Variants in SEPTIN11 observed in about 807,000 individuals in gnomAD.
SEPTIN11 encodes the protein septin 11, also known as septin-11.
In SEPTIN11, 25 loss-of-function variants were observed where a neutral mutation model predicts 51.4. The observed-to-expected ratio is 0.49, with a 90% CI of 0.35 to 0.68. The LOEUF is 0.68. Ranked by LOEUF, SEPTIN11 falls within the 30% of genes least tolerant of loss-of-function variation. The pLI is 0.00. For synonymous variants in SEPTIN11, 174 were observed against 184.1 expected, an observed-to-expected ratio of 0.95 and a Z score of 0.44; for missense variants, 381 against 520.8, an observed-to-expected ratio of 0.73 and a Z score of 2.61.
At chr4:77,038,891 G>T (rs964615147), downstream of SEPTIN11, among the ~76,000 whole-genome samples, 1 of 152,050 alleles carries the variant, frequency 6.6e-6, no homozygotes, top group Admixed American at 6.6e-5. Context: ...CTGAGGCATC[G>T]TCTTCTTCAC....
intron 1 of SEPTIN11, chr4:76,996,044 A>C: frequency 9.6e-7 from 1 of 1,041,354 alleles, no homozygotes; most frequent in East Asian, 2.6e-5. Context: ...TTTCACTATG[A>C]GTTGACAGTA....
At chr4:77,012,855 T>G (rs1054196186) in intron 4 of SEPTIN11, among the ~76,000 whole-genome samples, 2 of 152,174 alleles carry the variant, frequency 1.3e-5, no homozygotes, top group Admixed American at 6.5e-5. Flanking sequence ...ACACAGTAGT[T>G]TACAGAAAAA....
chr4:76,992,483 A>T (rs1723434645), intron 1 of SEPTIN11, among the ~76,000 whole-genome samples: 1 of 152,182 alleles, frequency 6.6e-6, no homozygotes, highest in East Asian at 1.9e-4. Flanking sequence ...CAGCACCTTG[A>T]CTTTACTAGT....
chr4:76,998,021 G>A (rs556788496), intron 2 of SEPTIN11, among the ~76,000 whole-genome samples: 2 of 152,154 alleles, frequency 1.3e-5, no homozygotes, highest in East Asian at 3.9e-4. Context: ...GTGCAGTGGG[G>A]TGTGCTGGCT....
intron 1 of SEPTIN11, among the ~76,000 whole-genome samples, chr4:76,964,362 C>A (rs1016686047): frequency 7.2e-6 from 1 of 138,900 alleles, no homozygotes; most frequent in Admixed American, 7.5e-5. Flanking sequence ...CTTGTATTGT[C>A]TATTTACCAT....
chr4:77,021,128 T>C (rs1725688765), intron 7 of SEPTIN11: 1 of 153,728 alleles, frequency 6.5e-6, no homozygotes, highest in Non-Finnish European at 1.4e-5. Context: ...GTCAAGCACT[T>C]TTACTATTAG....
intron 1 of SEPTIN11, among the ~76,000 whole-genome samples, chr4:76,983,150 T>C (rs1722849824): frequency 6.6e-6 from 1 of 152,186 alleles, no homozygotes; most frequent in Admixed American, 6.5e-5. Flanking sequence ...AGGTAGGTTA[T>C]GGCACAGCTG....
At chr4:77,007,103 A>G (rs1272174440) in intron 3 of SEPTIN11, among the ~76,000 whole-genome samples, 2 of 152,214 alleles carry the variant, frequency 1.3e-5, no homozygotes, top group East Asian at 1.9e-4. Context: ...TATGACCTCA[A>G]TGACAGGGAA....
intron 1 of SEPTIN11, among the ~76,000 whole-genome samples, chr4:76,956,471 C>T (rs1721561830): frequency 6.6e-6 from 1 of 152,218 alleles, no homozygotes; most frequent in African/African-American, 2.4e-5. Context: ...AAATTGGCCC[C>T]ATGTTTTGGT....
At chr4:77,039,149 C>G, downstream of SEPTIN11, 1 of 1,285,216 alleles carries the variant, frequency 7.8e-7, no homozygotes, top group Non-Finnish European at 1.0e-6. Context: ...AGAGCAGGAG[C>G]TGTCTGTTCA....
At chr4:77,012,434 G>C (rs1724941628) in intron 4 of SEPTIN11, among the ~76,000 whole-genome samples, 1 of 152,130 alleles carries the variant, frequency 6.6e-6, no homozygotes, top group Admixed American at 6.5e-5. Flanking sequence ...ACACATGAAG[G>C]AAGAGACTGG....
chr4:76,988,573 A>T (rs1423174833), intron 1 of SEPTIN11, among the ~76,000 whole-genome samples: 2 of 152,202 alleles, frequency 1.3e-5, no homozygotes, highest in Non-Finnish European at 2.9e-5. Context: ...CAGTGGCACA[A>T]TCCTGGCTCA....
intron 3 of SEPTIN11, among the ~76,000 whole-genome samples, chr4:77,009,223 C>T (rs992992304): frequency 6.6e-6 from 1 of 152,124 alleles, no homozygotes; most frequent in Non-Finnish European, 1.5e-5. Flanking sequence ...AGGTTGAATC[C>T]CAGGTTTCTG....
chr4:77,034,381 A>G (rs1726886568), intron 9 of SEPTIN11, 116 bp from the exon 10 acceptor site: 3 of 922,706 alleles, frequency 3.3e-6, no homozygotes, highest in Admixed American at 8.1e-5. Context: ...TGTCAATTCC[A>G]TAATCATTGC....
intron 5 of SEPTIN11, among the ~76,000 whole-genome samples, chr4:77,015,605 T>G (rs1026026493): frequency 8.5e-5 from 13 of 152,308 alleles, no homozygotes; most frequent in African/African-American, 2.6e-4. Flanking sequence ...CACTACTCTT[T>G]TGTGTGTCTC....
chr4:77,023,574 C>T (rs1401127945), intron 7 of SEPTIN11, among the ~76,000 whole-genome samples: 1 of 152,012 alleles, frequency 6.6e-6, no homozygotes, highest in Non-Finnish European at 1.5e-5. Flanking sequence ...ACTCTGATGT[C>T]CCTCCTGGTT....
intron 1 of SEPTIN11, among the ~76,000 whole-genome samples, chr4:76,960,565 A>G (rs1721786293): frequency 6.6e-6 from 1 of 152,216 alleles, no homozygotes; most frequent in African/African-American, 2.4e-5. Context: ...TGGATTTTAT[A>G]ACCCAGTCAA....
In SEPTIN11 at chr4:77,019,044, A is replaced by C. The variant is rs935440257; in HGVS notation, c.688-121A>C. On this transcript the variant is annotated intron_variant, in intron 5 of 9. Transcript: ENST00000264893. Reference sequence around the variant, plus strand: ...ACGTGACATCCACCCACCAAACTGCAGCCTGCTTTTCCCTTGTCACCAAGT... The same window carrying C: ...ACGTGACATCCACCCACCAAACTGCCGCCTGCTTTTCCCTTGTCACCAAGT... 4.7e-6 allele frequency: 4 copies of C among 850,912 alleles called. No homozygotes were observed. In the African/African-American group the frequency reaches 5.1e-5, roughly 11 times the overall value. The allele number at this position is 850,912 out of a possible 1,614,324, so 52.7% of individuals were successfully genotyped here.
In SEPTIN11 at chr4:77,003,635, A is replaced by T. The variant is rs141142757; in HGVS notation, c.143-1966A>T. Among the ~76,000 whole-genome samples, 549 of 152,370 alleles carry T rather than the reference A, an allele frequency of 3.6e-3. 4 individuals carry two copies. Among genetic ancestry groups the T allele is most frequent in the African/African-American group, 0.013 (529 of 41,584 alleles). On this transcript the variant is annotated intron_variant, in intron 2 of 9. Transcript: ENST00000264893. ...TTGACCAACTTTTATCCTATAAGTG[A>T]ATCATCATAGTTACAGGCAAGCCAT... is the stretch of plus-strand genomic sequence containing the variant.
Sources: allele counts gnomAD v4.1 joint callset (sites outside exome capture counted in the v4.1 genomes callset), GRCh38; gene constraint gnomAD v4.1.1; transcripts MANE v1.5; gene names NCBI Gene and HGNC (gene_info 2026-07-23, HGNC 2026-07-21).